Variants in RPN2 observed in about 807,000 individuals in gnomAD.
RPN2 encodes the protein dolichyl-diphosphooligosaccharide--protein glycosyltransferase subunit 2.
RPN2 carries 29 observed loss-of-function variants against 71.4 expected under a neutral mutation model. The ratio of observed to expected loss-of-function variants is 0.41; its 90% CI spans 0.30 to 0.55. The LOEUF (loss-of-function observed/expected upper bound fraction) is 0.55. Ranked by LOEUF, RPN2 falls within the 20% of genes least tolerant of loss-of-function variation. The pLI is 0.35. For synonymous variants in RPN2, 308 were observed against 305.0 expected (o/e 1.01, Z -0.10); for missense variants, 726 against 774.1 (o/e 0.94, Z 0.74).
intron 16 of RPN2, among the ~76,000 whole-genome samples, chr20:37,239,000 G>T (rs1460021019): frequency 6.6e-6 from 1 of 152,166 alleles, no homozygotes; most frequent in East Asian, 1.9e-4. Context: ...TGTTAAAAGG[G>T]CTGCTCCCCA....
rs571708378 is a variant in RPN2 at position 37,196,242 on chromosome 20, T to G, written c.208-2155T>G. Among the ~76,000 whole-genome samples, 306 of 151,984 alleles carry G rather than the reference T, an allele frequency of 2.0e-3. 1 individual carries two copies. The highest frequency in any genetic ancestry group is 3.2e-3 in the Non-Finnish European group (219 of 67,910). On this transcript the variant is annotated intron_variant, in intron 2 of 16. Transcript: ENST00000237530. ...GCCTAGTCTCCCCCCCACCTTTTTT[T>G]TTTTGAGACGGAGTCTCGCTCTGTC...
At position 37,199,235 on chromosome 20, in the gene RPN2, C is replaced by T; in HGVS notation, c.479+10C>T. ...AGGAGACTGTGCTGGCGTGAGTTGT[C>T]ATCTCGAGCATTTCTCAGGCTTCAT... On this transcript the variant is annotated intron_variant, in intron 4 of 16. Coordinates refer to ENST00000237530, the MANE Select transcript of RPN2 (RefSeq NM_002951.5). The T allele has an allele frequency of 6.2e-7, 1 of 1,612,876 alleles. No homozygotes were observed.
chr20:37,211,970 C>T (rs1005153688), intron 8 of RPN2, among the ~76,000 whole-genome samples: 3 of 152,064 alleles, frequency 2.0e-5, no homozygotes, highest in African/African-American at 7.2e-5. Context: ...ACTGCCTCAG[C>T]CTCCGAGTGG....
Position 37,241,508 on chromosome 20 carries a change from T to A in RPN2, c.*193T>A, listed in dbSNP as rs1041283766. 1.2e-5 allele frequency: 8 copies of A among 660,870 alleles called. No individual in the cohort carries two copies. Among genetic ancestry groups the A allele is most frequent in the Non-Finnish European group, 2.1e-5 (8 of 373,832 alleles). The allele number at this position is 660,870 out of a possible 1,614,324, so 40.9% of individuals were successfully genotyped here. On this transcript the variant is annotated 3_prime_UTR_variant, in exon 17 of 17. Transcript: ENST00000237530. ...AGATACCTGGTGAGCTCAGATAGTC[T>A]CTTTCTCTGACACTGTGTAAGAAGC...
chr20:37,193,814 T>C (rs906444870), intron 2 of RPN2, among the ~76,000 whole-genome samples: 4 of 152,162 alleles, frequency 2.6e-5, no homozygotes, highest in African/African-American at 9.7e-5. Context: ...TAAGTGGCTG[T>C]TGAGAGAAGT....
chr20:37,236,374 A>T (rs1299037170), intron 15 of RPN2, among the ~76,000 whole-genome samples: 2 of 152,232 alleles, frequency 1.3e-5, no homozygotes, highest in Non-Finnish European at 2.9e-5. Context: ...GGTGTGAGCC[A>T]CTGTGCCTGG....
chr20:37,227,306 G>A (rs1371737610), intron 11 of RPN2, among the ~76,000 whole-genome samples: 1 of 152,230 alleles, frequency 6.6e-6, no homozygotes, highest in Non-Finnish European at 1.5e-5. Flanking sequence ...ATTAGAGCAA[G>A]GAGAGTTAGT....
chr20:37,227,552 G>T (rs954211058), intron 11 of RPN2, among the ~76,000 whole-genome samples: 1 of 152,218 alleles, frequency 6.6e-6, no homozygotes, highest in South Asian at 2.1e-4. Flanking sequence ...AAATGCTTTG[G>T]TGGTGGTTCT....
At chr20:37,238,762 C>T (rs533475253) in intron 16 of RPN2, 30 of 612,232 alleles carry the variant, frequency 4.9e-5, no homozygotes, top group Non-Finnish European at 8.1e-5. Flanking sequence ...ACAAGCCTCT[C>T]TCTCTGTTTC....
intron 1 of RPN2, among the ~76,000 whole-genome samples, chr20:37,181,963 G>A (rs2146500882): frequency 6.6e-6 from 1 of 152,152 alleles, no homozygotes; most frequent in South Asian, 2.1e-4. Flanking sequence ...TTTGAGGGTG[G>A]GAGTTTTGTT....
At chr20:37,207,744 T>C (rs1413297191) in intron 7 of RPN2, among the ~76,000 whole-genome samples, 2 of 152,146 alleles carry the variant, frequency 1.3e-5, no homozygotes, top group African/African-American at 2.4e-5. Flanking sequence ...AGCAGTGGCA[T>C]GATTTTGGTT....
chr20:37,191,444 T>C (rs2067137868), intron 2 of RPN2, among the ~76,000 whole-genome samples: 1 of 151,924 alleles, frequency 6.6e-6, no homozygotes, highest in Non-Finnish European at 1.5e-5. Flanking sequence ...GCTGCTACAC[T>C]CTAGCCTGGG....
chr20:37,179,569 G>T, intron 1 of RPN2, 200 bp downstream of exon 1: 3 of 1,334,242 alleles, frequency 2.2e-6, no homozygotes, highest in Non-Finnish European at 2.9e-6. Context: ...TGGCGGGGTT[G>T]GTGCCTGGGG....
At chr20:37,184,540 G>A (rs1376775473) in intron 2 of RPN2, among the ~76,000 whole-genome samples, 167 bp downstream of exon 2, 2 of 152,170 alleles carry the variant, frequency 1.3e-5, no homozygotes, top group Non-Finnish European at 2.9e-5. Context: ...CGCCTGTAAT[G>A]CCAGCACTTT....
chr20:37,198,989 A>G lies in RPN2; in HGVS notation c.304-61A>G, dbSNP rs951496866. 1.9e-5 allele frequency: 26 copies of G among 1,379,148 alleles called. No homozygotes were observed. In the African/African-American group the frequency reaches 2.0e-4, roughly 11 times the overall value. The allele number at this position is 1,379,148 out of a possible 1,614,324, so 85.4% of individuals were successfully genotyped here. The stretch of plus-strand genomic sequence containing the variant: ...AGCTGCTCCGCATTCTGTCTTTGCC[A>G]TGCCTGCCACAAATTGCCAAGACCT... On this transcript the variant is annotated intron_variant, in intron 3 of 16. Coordinates refer to ENST00000237530, the MANE Select transcript of RPN2 (RefSeq NM_002951.5).
chr20:37,214,171 C>G (rs559543512), intron 9 of RPN2, among the ~76,000 whole-genome samples: 33 of 152,352 alleles, frequency 2.2e-4, no homozygotes, highest in African/African-American at 7.5e-4. Context: ...CATAATTCCA[C>G]TGAGCCTTAA....
intron 4 of RPN2, 138 bp downstream of exon 4, chr20:37,199,363 G>A: frequency 3.7e-6 from 4 of 1,084,190 alleles, no homozygotes; most frequent in South Asian, 1.4e-5. Flanking sequence ...TGCTCTGCAA[G>A]GCACCGCAGA....
intron 9 of RPN2, among the ~76,000 whole-genome samples, chr20:37,219,124 T>C (rs2067891329): frequency 6.6e-6 from 1 of 152,268 alleles, no homozygotes; most frequent in African/African-American, 2.4e-5. Context: ...TGCACCATTT[T>C]ACATTTCTAC....
At chr20:37,215,636 C>A (rs960839195) in intron 9 of RPN2, among the ~76,000 whole-genome samples, 1 of 152,048 alleles carries the variant, frequency 6.6e-6, no homozygotes, top group African/African-American at 2.4e-5. Flanking sequence ...CTTTTCACTT[C>A]TACCTTCTAG....
Sources: gnomAD v4.1 joint callset for allele counts (sites outside exome capture counted in the v4.1 genomes callset) on GRCh38, gnomAD v4.1.1 for gene constraint, MANE v1.5 for transcripts, NCBI Gene and HGNC (gene_info 2026-07-23, HGNC 2026-07-21) for gene names.